The following ASAP1 variants were observed in gnomAD, a reference collection of about 807,000 sequenced individuals.
ASAP1 encodes the protein ArfGAP with SH3 domain, ankyrin repeat and PH domain 1.
Under a neutral mutation model 145.2 loss-of-function variants are expected in ASAP1, and 43 were observed. The ratio of observed to expected loss-of-function variants is 0.30; its 90% CI spans 0.23 to 0.38. The LOEUF is 0.38. Ranked by LOEUF, ASAP1 falls within the 10% of genes least tolerant of loss-of-function variation. The pLI, the probability that ASAP1 is intolerant of heterozygous loss-of-function variation, is 1.00. For missense variants in ASAP1, 1,018 were observed against 1,355.3 expected (o/e 0.75, Z 3.91); for synonymous variants, 546 against 515.5 (o/e 1.06, Z -0.80).
chr8:130,162,859 C>T (rs2097672395), intron 11 of ASAP1: 1 of 151,970 alleles, frequency 6.6e-6, no homozygotes, highest in Non-Finnish European at 1.5e-5. Flanking sequence ...TTTCCCTGTA[C>T]ACTGGTGCTC....
intron 4 of ASAP1, among the ~76,000 whole-genome samples, chr8:130,236,049 C>G (rs1371986317): frequency 6.6e-6 from 1 of 152,086 alleles, no homozygotes; most frequent in Non-Finnish European, 1.5e-5. Flanking sequence ...CTCAAGGTCA[C>G]CTTGCTAATA....
At position 130,124,031 on chromosome 8, in the gene ASAP1, G is replaced by A. The variant is rs775048007; in HGVS notation, c.1589C>T (p.Pro530Leu). Reference sequence around the variant, plus strand: ...TACTTACATATCACTTGAAGGGGTGGGTTTTGGTGAGGGGCTGGGTAAATT... The same window carrying A: ...TACTTACATATCACTTGAAGGGGTGAGTTTTGGTGAGGGGCTGGGTAAATT... Reference protein sequence around the residue: ...EANLPSPSPKPTPSSDMTVRK... With the variant: ...EANLPSPSPKLTPSSDMTVRK... Residue 530 changes from proline (P) to leucine (L), a missense_variant, in exon 18 of 30, where the codon CCC becomes CTC. Physicochemically the swap from Pro to Leu is moderately conservative, Grantham distance 98. Around this residue, in one of 9 missense-constraint regions of ASAP1, gnomAD observed 153 missense variants for 221.6 expected, o/e 0.69. Transcript: ENST00000518721. The A allele has an allele frequency of 6.2e-7, 1 of 1,609,064 alleles. No individual in the cohort carries two copies. Among genetic ancestry groups the A allele is most frequent in the Non-Finnish European group, 8.5e-7 (1 of 1,177,848 alleles).
At chr8:130,318,725 G>A (rs187392964) in intron 3 of ASAP1, among the ~76,000 whole-genome samples, 1 of 152,352 alleles carries the variant, frequency 6.6e-6, no homozygotes, top group African/African-American at 2.4e-5. Context: ...CTACGTGATA[G>A]AGTTGGGGTT....
intron 12 of ASAP1, among the ~76,000 whole-genome samples, chr8:130,154,199 T>A (rs1373522547): frequency 2.0e-5 from 3 of 152,160 alleles, no homozygotes; most frequent in Non-Finnish European, 4.4e-5. Flanking sequence ...AGAGACAGAA[T>A]GGTGCCTCAG....
chr8:130,303,286 T>C (rs140485977), intron 3 of ASAP1, among the ~76,000 whole-genome samples: 100 of 152,360 alleles, frequency 6.6e-4, no homozygotes, highest in African/African-American at 2.2e-3. Flanking sequence ...ACTATAAGTG[T>C]ATGCCTAAAA....
chr8:130,121,120 A>C (rs1391020035), intron 18 of ASAP1, among the ~76,000 whole-genome samples: 1 of 152,196 alleles, frequency 6.6e-6, no homozygotes, highest in Non-Finnish European at 1.5e-5. Context: ...ATACATTGGG[A>C]AGTCAACCAC....
chr8:130,359,657 C>T (rs1826611343), intron 2 of ASAP1, among the ~76,000 whole-genome samples: 1 of 149,556 alleles, frequency 6.7e-6, no homozygotes, highest in African/African-American at 2.5e-5. Flanking sequence ...CGCTCTGTCG[C>T]CCAGGCCGGA....
At chr8:130,172,967 A>C (rs1448479093) in intron 9 of ASAP1, among the ~76,000 whole-genome samples, 1 of 152,236 alleles carries the variant, frequency 6.6e-6, no homozygotes, top group African/African-American at 2.4e-5. Context: ...CATTTTTGTA[A>C]ACAAAACAAA....
chr8:130,076,479 A>C (rs2097462575), intron 26 of ASAP1, 73 bp from the exon 27 acceptor site: 1 of 1,117,022 alleles, frequency 9.0e-7, no homozygotes, highest in Non-Finnish European at 1.3e-6. Context: ...ATTCAAGTAA[A>C]TCAAATCAAA....
chr8:130,358,896 C>G lies in ASAP1; in HGVS notation c.60-753G>C, dbSNP rs979918486. Among the ~76,000 whole-genome samples, 1 of 152,022 alleles carries G rather than the reference C, an allele frequency of 6.6e-6. No homozygotes were observed. The stretch of plus-strand genomic sequence containing the variant: ...TACTTCAGCGAGCTCGTTGCGCGAG[C>G]GTTTTGCAAGAAGGGGGCCCAAAAA... On this transcript the variant is annotated intron_variant, in intron 2 of 29. Transcript: ENST00000518721. This position sits in a 1 kb window ranked among gnomAD's most constrained non-coding sequence, Gnocchi z 4.1.
intron 13 of ASAP1, among the ~76,000 whole-genome samples, chr8:130,143,484 A>G (rs1314067017): frequency 6.6e-6 from 1 of 151,690 alleles, no homozygotes; most frequent in East Asian, 1.9e-4. Context: ...CCAATTAACA[A>G]TATACACAGA....
At chr8:130,325,914 G>A (rs1416573781) in intron 3 of ASAP1, among the ~76,000 whole-genome samples, 1 of 151,316 alleles carries the variant, frequency 6.6e-6, no homozygotes, top group East Asian at 1.9e-4. Context: ...AGAAACGGTG[G>A]TAAGTTATGC....
At chr8:130,361,834 G>A in intron 2 of ASAP1, 1 of 1,190,706 alleles carries the variant, frequency 8.4e-7, no homozygotes, top group Non-Finnish European at 1.2e-6. Flanking sequence ...GTGTGGAGCT[G>A]CCCCGAAATA....
chr8:130,288,026 C>T (rs1383771936), intron 3 of ASAP1, among the ~76,000 whole-genome samples: 2 of 152,188 alleles, frequency 1.3e-5, no homozygotes, highest in East Asian at 1.9e-4. Flanking sequence ...CATCCCAAAG[C>T]GCTTTCAAAC....
At chr8:130,264,851 TGA>T (rs1290803829) in intron 3 of ASAP1, among the ~76,000 whole-genome samples, 4 of 151,564 alleles carry the variant, frequency 2.6e-5, no homozygotes, top group Non-Finnish European at 5.9e-5. Flanking sequence ...CCTACTTGGG[TGA>T]GTCAGGGAGA....
At chr8:130,219,239 A>T (rs1817139677) in intron 4 of ASAP1, among the ~76,000 whole-genome samples, 1 of 152,084 alleles carries the variant, frequency 6.6e-6, no homozygotes, top group Non-Finnish European at 1.5e-5. Context: ...TAGTAAAGTC[A>T]ATACTAGAAA....
intron 13 of ASAP1, 52 bp downstream of exon 13, chr8:130,152,684 T>G: frequency 7.1e-7 from 1 of 1,402,678 alleles, no homozygotes; most frequent in Non-Finnish European, 1.0e-6. Flanking sequence ...GAGTACATAA[T>G]CGTGTTTGCT....
At chr8:130,296,560 G>A (rs1383066771) in intron 3 of ASAP1, among the ~76,000 whole-genome samples, 2 of 150,062 alleles carry the variant, frequency 1.3e-5, no homozygotes, top group Non-Finnish European at 3.0e-5. Flanking sequence ...CCCTGCTGAG[G>A]AGCAGCTAGA....
At chr8:130,219,631 A>G (rs1238197239) in intron 4 of ASAP1, among the ~76,000 whole-genome samples, 1 of 152,222 alleles carries the variant, frequency 6.6e-6, no homozygotes, top group African/African-American at 2.4e-5. Context: ...TTTTGGGCAC[A>G]TAGTACAGTG....
Sources: allele counts gnomAD v4.1 joint callset (sites outside exome capture counted in the v4.1 genomes callset), GRCh38; gene constraint gnomAD v4.1.1; regional missense constraint gnomAD v4.1.1; non-coding constraint Gnocchi (gnomAD v3.1); transcripts MANE v1.5; gene names NCBI Gene and HGNC (gene_info 2026-07-23, HGNC 2026-07-21).